TEK: variants seen among roughly 807,000 people sequenced by gnomAD.
The protein encoded by TEK is angiopoietin-1 receptor.
In TEK, 43 loss-of-function variants were observed where a neutral mutation model predicts 131.8. The observed-to-expected ratio is 0.33, with a 90% confidence interval of 0.26 to 0.42. The LOEUF is 0.42. TEK is among the 10% of genes least tolerant of loss of function. The pLI, the probability that TEK is intolerant of heterozygous loss-of-function variation, is 1.00. For missense variants in TEK, 1,162 were observed against 1,384.4 expected (o/e 0.84, Z 2.55); for synonymous variants, 580 against 491.6 (o/e 1.18, Z -2.38).
intron 22 of TEK, 104 bp from the exon 23 acceptor site, chr9:27,229,054 T>C (rs1419848306): frequency 9.7e-6 from 9 of 930,918 alleles, no homozygotes; most frequent in Middle Eastern, 4.2e-4. Context: ...GTGCTTAGTA[T>C]ATGAGTTGCA....
Position 27,172,609 on chromosome 9 carries a change from A to T in TEK, c.629-7A>T. On this transcript the variant is annotated splice_region_variant and splice_polypyrimidine_tract_variant and intron_variant, in intron 4 of 22. Transcript: ENST00000380036. ...ACTCACCACAGCCTTGTTTTCCTTA[A>T]CAAAAGGATGTGAAGCCCAGAAGTG... The T allele has an allele frequency of 6.2e-7, 1 of 1,613,328 alleles. No individual in the cohort carries two copies. Among genetic ancestry groups the T allele is most frequent in the South Asian group, 1.1e-5 (1 of 91,058 alleles).
chr9:27,225,136 T>C (rs1445329954), intron 21 of TEK, among the ~76,000 whole-genome samples: 1 of 152,204 alleles, frequency 6.6e-6, no homozygotes, highest in Non-Finnish European at 1.5e-5. Context: ...AAACATTCCA[T>C]GCTCATGGAC....
At chr9:27,222,065 A>G (rs1036696450) in intron 21 of TEK, among the ~76,000 whole-genome samples, 1 of 152,228 alleles carries the variant, frequency 6.6e-6, no homozygotes, top group Non-Finnish European at 1.5e-5. Context: ...GGAGCTAAAA[A>G]TCACAGCACG....
chr9:27,212,932 C>CTGTGGAG, intron 17 of TEK, 35 bp downstream of exon 17: 1 of 1,606,154 alleles, frequency 6.2e-7, no homozygotes. Context: ...GATATCTTTC[C>CTGTGGAG]TGTGGAGTTC....
intron 1 of TEK, among the ~76,000 whole-genome samples, chr9:27,136,087 T>TTA (rs1554689037): frequency 2.8e-5 from 4 of 145,088 alleles, no homozygotes; most frequent in African/African-American, 8.0e-5. Context: ...GGGCAGTTAT[T>TTA]TTTTTTTTTT....
chr9:27,215,725 G>A (rs1825801082), intron 18 of TEK, among the ~76,000 whole-genome samples: 1 of 151,948 alleles, frequency 6.6e-6, no homozygotes. Flanking sequence ...TAGATTTTGG[G>A]GTAACATAAG....
intron 1 of TEK, among the ~76,000 whole-genome samples, chr9:27,137,405 A>G (rs1223681722): frequency 2.6e-5 from 4 of 152,126 alleles, no homozygotes; most frequent in African/African-American, 9.7e-5. Flanking sequence ...ACATGTAAGG[A>G]GTAGTTTTCT....
intron 1 of TEK, among the ~76,000 whole-genome samples, chr9:27,130,663 G>A (rs1036709259): frequency 2.5e-5 from 3 of 121,100 alleles, no homozygotes; most frequent in African/African-American, 9.7e-5. Context: ...TGCAACCTCC[G>A]CTTCCTGGGT....
chr9:27,212,738 C>T lies in TEK; in HGVS notation c.2718C>T (p.Pro906=). The part of the protein sequence containing the change: ...GYLYLAIEYA[P]HGNLLDFLRK... ...TGTACCTGGCCATTGAGTACGCGCC[C>T]CATGGAAACCTTCTGGACTTCCTTC... is the stretch of plus-strand genomic sequence containing the variant. Residue 906 remains proline (P), a synonymous_variant, in exon 17 of 23, where the codon CCC becomes CCT. Transcript: ENST00000380036. 5 of 1,614,130 alleles carry T rather than the reference C, an allele frequency of 3.1e-6. No homozygotes were observed. The highest frequency in any genetic ancestry group is 4.2e-6 in the Non-Finnish European group (5 of 1,180,014).
intron 11 of TEK, 82 bp downstream of exon 11, chr9:27,192,705 G>T (rs1328221168): frequency 1.8e-6 from 2 of 1,116,258 alleles, no homozygotes; most frequent in East Asian, 2.8e-5. Context: ...ACCAGGAAGG[G>T]TGGTGGTGGG....
intron 1 of TEK, among the ~76,000 whole-genome samples, chr9:27,127,176 T>C (rs959315220): frequency 6.6e-6 from 1 of 152,164 alleles, no homozygotes; most frequent in Non-Finnish European, 1.5e-5. Context: ...CCCGCACCCG[T>C]GTCCATGTGT....
chr9:27,173,161 A>G lies in TEK; in HGVS notation c.761-61A>G, dbSNP rs180783970. 1.6e-5 allele frequency: 25 copies of G among 1,600,910 alleles called. No homozygotes were observed. The African/African-American group carries it at 2.5e-4, about 16-fold the overall frequency. On this transcript the variant is annotated intron_variant, in intron 5 of 22. Transcript: ENST00000380036. ...AGACTAGGAGAAATGAATCTAAAGA[A>G]TTATGTATTTCAAGGGGTTGCATAT...
chr9:27,173,708 G>A (rs1284277917), intron 6 of TEK, among the ~76,000 whole-genome samples: 1 of 145,444 alleles, frequency 6.9e-6, no homozygotes, highest in Non-Finnish European at 1.5e-5. Context: ...TGAGTAGGAA[G>A]ACCATAGAAG....
chr9:27,182,527 T>C (rs1426951168), intron 7 of TEK, among the ~76,000 whole-genome samples: 3 of 152,134 alleles, frequency 2.0e-5, no homozygotes, highest in Admixed American at 2.0e-4. Context: ...GCCTGAGAAG[T>C]AGGATATCAG....
intron 1 of TEK, among the ~76,000 whole-genome samples, chr9:27,119,034 C>T (rs966500991): frequency 2.6e-5 from 4 of 152,210 alleles, no homozygotes; most frequent in South Asian, 4.1e-4. Context: ...TTTTCAAACA[C>T]GCAGCCCTGC....
rs73643160 is a variant in TEK at position 27,220,232 on chromosome 9, G to T, written c.3200+87G>T. 245 of 1,249,426 alleles carry T rather than the reference G, an allele frequency of 2.0e-4. No homozygotes were observed. The African/African-American group carries it at 3.5e-3, about 18-fold the overall frequency. The allele number at this position is 1,249,426 out of a possible 1,614,324, so 77.4% of individuals were successfully genotyped here. On this transcript the variant is annotated intron_variant, in intron 21 of 22. Transcript: ENST00000380036. ...CAGCTGACTCTAGCAAAGTCAGCCG[G>T]TATACACTATACACAAACACCTACA...
chr9:27,187,273 T>C (rs972576177), intron 9 of TEK, among the ~76,000 whole-genome samples: 4 of 152,208 alleles, frequency 2.6e-5, no homozygotes, highest in Non-Finnish European at 2.9e-5. Flanking sequence ...AAAATGTAAA[T>C]AGCCATTAGG....
In TEK at chr9:27,183,468, G is replaced by T. The variant is rs200235356; in HGVS notation, c.1040G>T (p.Arg347Met). 86 of 1,613,718 alleles carry T rather than the reference G, an allele frequency of 5.3e-5. No homozygotes were observed. The highest frequency in any genetic ancestry group is 7.2e-5 in the Non-Finnish European group (85 of 1,179,758). ...GLQCEREGIQRMTPKIVDLPD... is the reference protein window; with the variant it reads ...GLQCEREGIQMMTPKIVDLPD... ...TGTTTTCTTCCTTCAGGCATACAGA[G>T]GATGACCCCAAAGATAGTGGATTTG... The change falls in exon 8 of 23, where the codon AGG (arginine) becomes ATG (methionine). Residue 347 changes from arginine (R) to methionine (M), a missense_variant. Physicochemically the swap from Arg to Met is moderately conservative, Grantham distance 91 (BLOSUM62 -1). This residue lies in a region of TEK where 436 missense variants were observed against 539.1 expected (regional missense o/e 0.81). Coordinates refer to ENST00000380036, the MANE Select transcript of TEK (RefSeq NM_000459.5).
chr9:27,187,964 G>C (rs1356837322), intron 9 of TEK, among the ~76,000 whole-genome samples: 1 of 152,108 alleles, frequency 6.6e-6, no homozygotes, highest in East Asian at 1.9e-4. Context: ...GGTACTAGGG[G>C]TTAAGACTTT....
Sources: allele counts gnomAD v4.1 joint callset (sites outside exome capture counted in the v4.1 genomes callset), GRCh38; gene constraint gnomAD v4.1.1; regional missense constraint gnomAD v4.1.1; transcripts MANE v1.5; gene names NCBI Gene and HGNC (gene_info 2026-07-23, HGNC 2026-07-21).